PRSS36: variants seen among roughly 807,000 people sequenced by gnomAD.
PRSS36 encodes the protein serine protease 36.
PRSS36 carries 90 observed loss-of-function variants against 94.3 expected under a neutral mutation model. The ratio of observed to expected loss-of-function variants is 0.95; its 90% confidence interval spans 0.80 to 1.14. PRSS36 has a LOEUF of 1.14. Ranked by LOEUF, PRSS36 falls within the 50% of genes most tolerant of loss-of-function variation. The pLI is 0.00. For synonymous variants in PRSS36, 500 were observed against 489.6 expected (o/e 1.02, Z -0.28); for missense variants, 1,158 against 1,135.0 (o/e 1.02, Z -0.29).
In PRSS36 at chr16:31,141,956, T is replaced by G. The variant is rs1596844233; in HGVS notation, c.1526A>C (p.Asp509Ala). ...EKEEVGSCWN[D>A]SRWSLLCQEE... ...CTGGCACAAAAGGCTCCAACGCGAG[T>G]CATTCTGCAGCAACAAAGTGTGTGT... Residue 509 changes from aspartate (D) to alanine (A), a missense_variant, in exon 11 of 15, where the codon GAC becomes GCC. By Grantham distance (126) the Asp-to-Ala change is moderately radical. Coordinates refer to ENST00000268281, the MANE Select transcript of PRSS36 (RefSeq NM_173502.5). 1 of 1,613,720 alleles carries G rather than the reference T, an allele frequency of 6.2e-7. No individual in the cohort carries two copies.
At chr16:31,141,355 G>T in intron 12 of PRSS36, 114 bp downstream of exon 12, 1 of 1,358,872 alleles carries the variant, frequency 7.4e-7, no homozygotes, top group Non-Finnish European at 9.9e-7. Context: ...AACACAGCAA[G>T]ATCTCATTGT....
rs759120906 is a variant in PRSS36 at position 31,140,495 on chromosome 16, G to A, written c.2164C>T (p.Arg722Ter). The change falls in exon 13 of 15, where the codon CGA (arginine) becomes TGA (stop). Residue 722 changes from arginine (R) to a stop codon, truncating the protein, a stop_gained. Coordinates refer to ENST00000268281, the MANE Select transcript of PRSS36 (RefSeq NM_173502.5). LOFTEE classifies it high-confidence loss of function. The part of the protein sequence containing the change: ...WVLGWKEPQD[R>*]VPVAAAVSIL... ...TCCCGTGACCCAGGGGTCTCACCTC[G>A]GTCCTGGGGTTCTTTCCAGCCCAAC... 1.3e-5 allele frequency: 20 copies of A among 1,581,144 alleles called. No individual in the cohort carries two copies. Among genetic ancestry groups the A allele is most frequent in the South Asian group, 7.1e-5 (6 of 84,932 alleles).
chr16:31,148,611 G>C lies in PRSS36; in HGVS notation c.337C>G (p.Pro113Ala). ...VLLGVHSQDG[P>A]LDGAHTRAVA... Reference sequence around the variant, plus strand: ...GCGCGGGTGTGCGCGCCGTCCAGGGGCCCGTCCTGGGAGTGCACGCCCAGC... The same window carrying C: ...GCGCGGGTGTGCGCGCCGTCCAGGGCCCCGTCCTGGGAGTGCACGCCCAGC... The change falls in exon 5 of 15, where the codon CCC (proline) becomes GCC (alanine). Residue 113 changes from proline (P) to alanine (A), a missense_variant. By Grantham distance (27) the Pro-to-Ala change is conservative. Transcript: ENST00000268281. The C allele has an allele frequency of 6.2e-7, 1 of 1,612,010 alleles. No homozygotes were observed. Among genetic ancestry groups the C allele is most frequent in the Non-Finnish European group, 8.5e-7 (1 of 1,179,488 alleles).
chr16:31,141,973 AGTGT>A lies in PRSS36; in HGVS notation c.1522-17_1522-14del, dbSNP rs759924616. On this transcript the variant is annotated splice_polypyrimidine_tract_variant and intron_variant, in intron 10 of 14. Coordinates refer to ENST00000268281, the MANE Select transcript of PRSS36 (RefSeq NM_173502.5). Reference sequence around the variant, plus strand: ...AACGCGAGTCATTCTGCAGCAACAAAGTGTGTGTGTTACTTGCCTCTGCGTGTGT... The same window carrying A: ...AACGCGAGTCATTCTGCAGCAACAAAGTGTGTTACTTGCCTCTGCGTGTGT... The A allele has an allele frequency of 1.7e-5, 28 of 1,611,658 alleles. No individual in the cohort carries two copies. The highest frequency in any genetic ancestry group is 2.3e-5 in the Non-Finnish European group (27 of 1,177,872).
chr16:31,146,010 C>T (rs1055326206), intron 5 of PRSS36, 55 bp from the exon 6 acceptor site: 2 of 1,535,242 alleles, frequency 1.3e-6, no homozygotes, highest in African/African-American at 1.4e-5. Flanking sequence ...ATCCCCAGTT[C>T]CCAGGGTTCA....
chr16:31,144,232 TG>T (rs2057762827), intron 6 of PRSS36, among the ~76,000 whole-genome samples: 1 of 152,152 alleles, frequency 6.6e-6, no homozygotes, highest in Non-Finnish European at 1.5e-5. Flanking sequence ...TGGAGTGCAG[TG>T]GTGCAACCTC....
Position 31,142,516 on chromosome 16 carries a change from C to A in PRSS36, c.1486G>T (p.Ala496Ser). ...CCCACCTCCTCCTTTTCCTGGTAGG[C>A]AGGGCAGAGCGCGTGCGGCGGGTCT... ...PGDPPHALCPAYQEKEEVGSC... is the reference protein window; with the variant it reads ...PGDPPHALCPSYQEKEEVGSC... The change falls in exon 10 of 15, where the codon GCC becomes TCC. Residue 496 changes from alanine (A) to serine (S), a missense_variant. Ala to Ser is a moderately conservative substitution (Grantham distance 99, BLOSUM62 1). Transcript: ENST00000268281. The A allele has an allele frequency of 6.6e-7, 1 of 1,512,394 alleles. No homozygotes were observed. Among genetic ancestry groups the A allele is most frequent in the Non-Finnish European group, 8.8e-7 (1 of 1,133,382 alleles). 93.7% of individuals were successfully genotyped at this position (1,512,394 alleles called of 1,614,324 possible).
chr16:31,139,273 G>A lies in PRSS36; in HGVS notation c.2433C>T (p.Asn811=). The A allele has an allele frequency of 6.2e-7, 1 of 1,614,186 alleles. No individual in the cohort carries two copies. The highest frequency in any genetic ancestry group is 8.5e-7 in the Non-Finnish European group (1 of 1,180,014). The stretch of plus-strand genomic sequence containing the variant: ...GTGGGGAGCCACTGGGGGGCAGGAA[G>A]TTGGCCTCTCCCACTGTCTGGGAGA... The part of the protein sequence containing the change: ...AWISQTVGEA[N]FLPPSGSPHW... The change falls in exon 15 of 15, where the codon AAC becomes AAT. Residue 811 remains asparagine (N), a synonymous_variant. Coordinates refer to ENST00000268281, the MANE Select transcript of PRSS36 (RefSeq NM_173502.5).
At chr16:31,143,961 C>G (rs773167416) in intron 6 of PRSS36, 124 bp from the exon 7 acceptor site, 2 of 1,231,764 alleles carry the variant, frequency 1.6e-6, no homozygotes, top group African/African-American at 1.5e-5. Flanking sequence ...CTTGGCTAGG[C>G]CTTGTCCTCT....
At position 31,140,361 on chromosome 16, in the gene PRSS36, T is replaced by C. The variant is rs780370098; in HGVS notation, c.2222A>G (p.Tyr741Cys). The change falls in exon 14 of 15, where the codon TAT becomes TGT. Residue 741 changes from tyrosine (Y) to cysteine (C), a missense_variant. Transcript: ENST00000268281. ...ILTQRICDCL[Y>C]QGILPPGTLC... ...GGTTCCAGGGGGCAGGATGCCCTGA[T>C]AGAGGCAGTCACAGATTCGTTGTGT... is the stretch of plus-strand genomic sequence containing the variant. The C allele has an allele frequency of 1.1e-5, 17 of 1,614,038 alleles. No homozygotes were observed. Among genetic ancestry groups the C allele is most frequent in the Admixed American group, 1.7e-5 (1 of 60,000 alleles).
chr16:31,143,109 C>CAGGAATGG, intron 8 of PRSS36, 116 bp from the exon 9 acceptor site: 1 of 1,352,196 alleles, frequency 7.4e-7, no homozygotes, highest in Non-Finnish European at 9.6e-7. Context: ...ATCCCCACGA[C>CAGGAATGG]ACCCCCATTC....
chr16:31,145,304 C>T lies in PRSS36; in HGVS notation c.720+485G>A, dbSNP rs1347345376. On this transcript the variant is annotated intron_variant, in intron 6 of 14. Transcript: ENST00000268281. ...AGGAGAATTGCGTGAACCCGGGAGGCGGAGGTTGCAGTGAGCTGAGATCAT... is the reference window on the plus strand; with the variant it reads ...AGGAGAATTGCGTGAACCCGGGAGGTGGAGGTTGCAGTGAGCTGAGATCAT... Among the ~76,000 whole-genome samples, 5 of 127,088 alleles carry T rather than the reference C, an allele frequency of 3.9e-5. No homozygotes were observed. The South Asian group carries it at 8.4e-4, about 21-fold the overall frequency. The allele number at this position is 127,088 out of a possible 152,430, so 83.4% of individuals were successfully genotyped here. A position where few individuals can be genotyped will look rare whatever the true frequency, so the allele number is the denominator to read the frequency against.
chr16:31,144,948 G>A (rs977155447), intron 6 of PRSS36, among the ~76,000 whole-genome samples: 8 of 150,778 alleles, frequency 5.3e-5, no homozygotes, highest in African/African-American at 9.8e-5. Flanking sequence ...TTAGCTGGCC[G>A]TGGTGGCACA....
chr16:31,141,951 G>GC lies in PRSS36; in HGVS notation c.1530dup (p.Arg511AlafsTer60). ...TCCTCCTGGCACAAAAGGCTCCAAC[G>GC]CGAGTCATTCTGCAGCAACAAAGTG... On this transcript the variant is annotated frameshift_variant, in exon 11 of 15. Transcript: ENST00000268281. LOFTEE classifies it high-confidence loss of function. The GC allele has an allele frequency of 6.2e-7, 1 of 1,614,070 alleles. No homozygotes were observed. Among genetic ancestry groups the GC allele is most frequent in the Non-Finnish European group, 8.5e-7 (1 of 1,179,972 alleles).
Position 31,141,940 on chromosome 16 carries a change from A to C in PRSS36, c.1542T>G (p.Leu514=). The C allele has an allele frequency of 2.5e-6, 4 of 1,613,990 alleles. No homozygotes were observed. The highest frequency in any genetic ancestry group is 3.4e-6 in the Non-Finnish European group (4 of 1,179,976). Residue 514 remains leucine, a synonymous_variant, in exon 11 of 15, where the codon CTT becomes CTG. Transcript: ENST00000268281. ...ACCAGGTCCCCTCCTCCTGGCACAAAAGGCTCCAACGCGAGTCATTCTGCA... is the reference window on the plus strand; with the variant it reads ...ACCAGGTCCCCTCCTCCTGGCACAACAGGCTCCAACGCGAGTCATTCTGCA... ...GSCWNDSRWS[L]LCQEEGTWFL...
intron 14 of PRSS36, among the ~76,000 whole-genome samples, chr16:31,139,827 C>T (rs1343274874): frequency 1.5e-5 from 2 of 130,330 alleles, no homozygotes; most frequent in Non-Finnish European, 3.1e-5. Context: ...TTGCAGTGAG[C>T]CAAGATCACA....
Position 31,142,946 on chromosome 16 carries a change from A to C in PRSS36, c.1148T>G (p.Val383Gly). The C allele has an allele frequency of 6.8e-7, 1 of 1,468,988 alleles. No homozygotes were observed. The highest frequency in any genetic ancestry group is 9.0e-7 in the Non-Finnish European group (1 of 1,117,240). 91.0% of individuals were successfully genotyped at this position (1,468,988 alleles called of 1,614,324 possible). A position where few individuals can be genotyped will look rare whatever the true frequency, so the allele number is the denominator to read the frequency against. ...SPPRDLDAWRVLLPSRPRAER... is the reference protein window; with the variant it reads ...SPPRDLDAWRGLLPSRPRAER... Reference sequence around the variant, plus strand: ...CGCGCGCGGGCGCGAGGGCAGCAGCACGCGCCAGGCGTCGAGGTCGCGGGG... The same window carrying C: ...CGCGCGCGGGCGCGAGGGCAGCAGCCCGCGCCAGGCGTCGAGGTCGCGGGG... The change falls in exon 9 of 15, where the codon GTG becomes GGG. Residue 383 changes from valine to glycine, a missense_variant. Val to Gly is a moderately radical substitution (Grantham distance 109). Coordinates refer to ENST00000268281, the MANE Select transcript of PRSS36 (RefSeq NM_173502.5).
intron 5 of PRSS36, among the ~76,000 whole-genome samples, chr16:31,147,488 C>T (rs745757244): frequency 6.6e-5 from 10 of 152,088 alleles, no homozygotes; most frequent in Non-Finnish European, 8.8e-5. Flanking sequence ...GGTCTGACCA[C>T]GGCTGATGTG....
In PRSS36 at chr16:31,143,602, G is replaced by A. The variant is rs1477115737; in HGVS notation, c.956C>T (p.Thr319Ile). The stretch of plus-strand genomic sequence containing the variant: ...CGCCCACTCACCAGGCAGGGCAATG[G>A]TGCAGTTCTCCTCCCTGGGCTCCTG... The part of the protein sequence containing the change: ...DPQEPREENC[T>I]IALPECGKAP... The change falls in exon 7 of 15, where the codon ACC (threonine) becomes ATC (isoleucine). Residue 319 changes from threonine to isoleucine, a missense_variant. Physicochemically the swap from Thr to Ile is moderately conservative, Grantham distance 89. Coordinates refer to ENST00000268281, the MANE Select transcript of PRSS36 (RefSeq NM_173502.5). 9.3e-6 allele frequency: 15 copies of A among 1,614,090 alleles called. No individual in the cohort carries two copies. The highest frequency in any genetic ancestry group is 1.3e-5 in the African/African-American group (1 of 74,930).
Sources: gnomAD v4.1 joint callset for allele counts (sites outside exome capture counted in the v4.1 genomes callset) on GRCh38, gnomAD v4.1.1 for gene constraint, MANE v1.5 for transcripts, NCBI Gene and HGNC (gene_info 2026-07-23, HGNC 2026-07-21) for gene names.